Variants in DSCAML1 observed in about 807,000 individuals in gnomAD.
DSCAML1 encodes the protein cell adhesion molecule DSCAML1.
A neutral mutation model predicts 200.5 loss-of-function variants in DSCAML1; 38 were observed. The ratio of observed to expected loss-of-function variants is 0.19; its 90% confidence interval spans 0.15 to 0.25. DSCAML1 has a LOEUF of 0.25. Ranked by LOEUF, DSCAML1 falls within the 10% of genes least tolerant of loss-of-function variation. DSCAML1 has a pLI of 1.00. For synonymous variants in DSCAML1, 1,215 were observed against 1,165.0 expected, an observed-to-expected ratio of 1.04 and a Z score of -0.87; for missense variants, 2,223 against 2,858.8, an observed-to-expected ratio of 0.78 and a Z score of 5.07.
chr11:117,800,690 G>GGCTTTTGT (rs1565292908), upstream of DSCAML1, among the ~76,000 whole-genome samples: 1 of 152,068 alleles, frequency 6.6e-6, no homozygotes, highest in Non-Finnish European at 1.5e-5. Context: ...TCTGTATTTT[G>GGCTTTTGT]GCTTTTGTGC....
At chr11:117,439,118 C>G in intron 23 of DSCAML1, 135 bp from the exon 24 acceptor site, 1 of 1,353,866 alleles carries the variant, frequency 7.4e-7, no homozygotes, top group South Asian at 1.4e-5. Context: ...TCTCCTGCCT[C>G]CCCTTCCATG....
chr11:117,515,610 C>CTTTTTTTTTTT lies in DSCAML1; in HGVS notation c.1783+846_1783+856dup, dbSNP rs56765238. On this transcript the variant is annotated intron_variant, in intron 8 of 32. Coordinates refer to ENST00000651296, the MANE Select transcript of DSCAML1 (RefSeq NM_020693.4). ...TGTCAAGGGCCCAGGAGGGACGAAG[C>CTTTTTTTTTTT]TTTTTTTTTTTTTTTTTTTTTTTTT... Among the ~76,000 whole-genome samples the CTTTTTTTTTTT allele has an allele frequency of 1.2e-3, 78 of 65,142 alleles. 15 individuals are homozygous for CTTTTTTTTTTT. Among genetic ancestry groups the CTTTTTTTTTTT allele is most frequent in the African/African-American group, 3.0e-3 (36 of 11,922 alleles). The allele number at this position is 65,142 out of a possible 152,430, so 42.7% of individuals were successfully genotyped here.
intron 3 of DSCAML1, among the ~76,000 whole-genome samples, chr11:117,588,053 G>A (rs1461544325): frequency 6.6e-6 from 1 of 152,122 alleles, no homozygotes; most frequent in Admixed American, 6.5e-5. Context: ...AATGTGCCAG[G>A]TACCATTCTA....
chr11:117,794,969 CAGGTCCA>C (rs998564847), intron 1 of DSCAML1, among the ~76,000 whole-genome samples: 1 of 152,256 alleles, frequency 6.6e-6, no homozygotes, highest in African/African-American at 2.4e-5. Context: ...AGCCCGCCTA[CAGGTCCA>C]AGGCCACTGG....
At chr11:117,715,554 C>T (rs2053938322) in intron 3 of DSCAML1, among the ~76,000 whole-genome samples, 1 of 152,236 alleles carries the variant, frequency 6.6e-6, no homozygotes, top group Admixed American at 6.5e-5. Flanking sequence ...CTCTTGCCTG[C>T]ATGGAATTTA....
intron 3 of DSCAML1, among the ~76,000 whole-genome samples, chr11:117,659,987 G>C (rs1565857758): frequency 6.6e-6 from 1 of 152,136 alleles, no homozygotes; most frequent in Non-Finnish European, 1.5e-5. Flanking sequence ...GCCTCCCAAA[G>C]TGCCGGGATT....
At chr11:117,466,537 T>C (rs2048583205) in intron 16 of DSCAML1, among the ~76,000 whole-genome samples, 1 of 152,102 alleles carries the variant, frequency 6.6e-6, no homozygotes, top group African/African-American at 2.4e-5. Context: ...CCATCTCTAC[T>C]AAAAATACAA....
intron 3 of DSCAML1, among the ~76,000 whole-genome samples, chr11:117,581,584 A>C (rs2051041669): frequency 6.6e-6 from 1 of 152,228 alleles, no homozygotes; most frequent in African/African-American, 2.4e-5. Flanking sequence ...TCTTTCACTT[A>C]GTACAATGCA....
chr11:117,492,764 A>G (rs980016618), intron 11 of DSCAML1, among the ~76,000 whole-genome samples: 2 of 152,200 alleles, frequency 1.3e-5, no homozygotes, highest in African/African-American at 4.8e-5. Context: ...CTTCGACGGC[A>G]GCGGCATCTC....
chr11:117,562,582 C>T (rs1448960407), intron 3 of DSCAML1, among the ~76,000 whole-genome samples: 1 of 152,216 alleles, frequency 6.6e-6, no homozygotes, highest in African/African-American at 2.4e-5. Context: ...AAGCATGAGT[C>T]ACCAGAAACT....
intron 3 of DSCAML1, among the ~76,000 whole-genome samples, chr11:117,646,266 T>C (rs2052520598): frequency 6.6e-6 from 1 of 151,952 alleles, no homozygotes; most frequent in Admixed American, 6.6e-5. Context: ...GGGAGGTGGC[T>C]GCAGAGTCCC....
rs1484010191 is a variant in DSCAML1 at position 117,480,179 on chromosome 11, C to A, written c.2785+264G>T. On this transcript the variant is annotated intron_variant, in intron 14 of 32. Transcript: ENST00000651296. This position sits in a 1 kb window ranked among gnomAD's most constrained non-coding sequence, Gnocchi z 4.1. ...CTTCAAATCAGACCACCCTTGGGGACCCTGGCCCAGGGACAGTCCTGGAAA... is the reference window on the plus strand; with the variant it reads ...CTTCAAATCAGACCACCCTTGGGGAACCTGGCCCAGGGACAGTCCTGGAAA... Among the ~76,000 whole-genome samples, 2 of 152,208 alleles carry A rather than the reference C, an allele frequency of 1.3e-5. No individual in the cohort carries two copies. Among genetic ancestry groups the A allele is most frequent in the Non-Finnish European group, 2.9e-5 (2 of 68,036 alleles).
rs12271689 is a variant in DSCAML1 at position 117,553,279 on chromosome 11, A to G, written c.512-20757T>C. Among the ~76,000 whole-genome samples, 628 of 152,360 alleles carry G rather than the reference A, an allele frequency of 4.1e-3. 3 individuals are homozygous for G. The highest frequency in any genetic ancestry group is 0.015 in the African/African-American group (604 of 41,578). ...CACAGCTAACAAAAGAAAACAATAG[A>G]TAAATTGGACATCATCAACATGTAA... is the stretch of plus-strand genomic sequence containing the variant. On this transcript the variant is annotated intron_variant, in intron 3 of 32. Coordinates refer to ENST00000651296, the MANE Select transcript of DSCAML1 (RefSeq NM_020693.4).
intron 3 of DSCAML1, among the ~76,000 whole-genome samples, chr11:117,553,334 C>G (rs2050501495): frequency 6.6e-6 from 1 of 152,200 alleles, no homozygotes; most frequent in African/African-American, 2.4e-5. Flanking sequence ...ACTCAACCAT[C>G]AGAGTGAAAA....
At chr11:117,623,696 A>G (rs1398606379) in intron 3 of DSCAML1, among the ~76,000 whole-genome samples, 1 of 152,246 alleles carries the variant, frequency 6.6e-6, no homozygotes, top group East Asian at 1.9e-4. Flanking sequence ...ATATGGTTAT[A>G]AAGATTAAAT....
intron 14 of DSCAML1, among the ~76,000 whole-genome samples, chr11:117,473,699 A>G (rs775183529): frequency 1.2e-4 from 18 of 152,166 alleles, no homozygotes; most frequent in Non-Finnish European, 2.6e-4. Context: ...GTAGTTTTGC[A>G]TTTAATTCTT....
At position 117,512,673 on chromosome 11, in the gene DSCAML1, CACACACACACACAT is replaced by C. The variant is rs1397088333; in HGVS notation, c.1783+3780_1783+3793del. Among the ~76,000 whole-genome samples the C allele has an allele frequency of 5.4e-3, 418 of 77,860 alleles. 1 individual carries two copies. The highest frequency in any genetic ancestry group is 7.4e-3 in the Non-Finnish European group (235 of 31,762). 51.1% of individuals were successfully genotyped at this position (77,860 alleles called of 152,430 possible). ...ACACACACACACACACACACACACA[CACACACACACACAT>C]GCCTGCTATGCACAGCTTATGCTGG... is the stretch of plus-strand genomic sequence containing the variant. On this transcript the variant is annotated intron_variant, in intron 8 of 32. Coordinates refer to ENST00000651296, the MANE Select transcript of DSCAML1 (RefSeq NM_020693.4).
intron 11 of DSCAML1, among the ~76,000 whole-genome samples, chr11:117,493,618 C>T (rs936718570): frequency 1.3e-5 from 2 of 151,812 alleles, no homozygotes; most frequent in African/African-American, 4.8e-5. Flanking sequence ...CAGGCCTGGT[C>T]CTCTACTTTT....
Position 117,634,137 on chromosome 11 carries a change from G to A in DSCAML1, c.512-101615C>T, listed in dbSNP as rs576946622. On this transcript the variant is annotated intron_variant, in intron 3 of 32. Transcript: ENST00000651296. The stretch of plus-strand genomic sequence containing the variant: ...TCCCGACCCAGGGCAGAGGGGGACC[G>A]GACTGTCACGGAGCATCAAGGACAG... Among the ~76,000 whole-genome samples, 31 of 152,316 alleles carry A rather than the reference G, an allele frequency of 2.0e-4. No homozygotes were observed. In the South Asian group the frequency reaches 6.2e-3, roughly 31 times the overall value.
Sources: allele counts gnomAD v4.1 joint callset (sites outside exome capture counted in the v4.1 genomes callset), GRCh38; gene constraint gnomAD v4.1.1; non-coding constraint Gnocchi (gnomAD v3.1); transcripts MANE v1.5; gene names NCBI Gene and HGNC (gene_info 2026-07-23, HGNC 2026-07-21).